HYAL4: variants seen among roughly 807,000 people sequenced by gnomAD.
The protein encoded by HYAL4 is hyaluronidase-4.
A neutral mutation model predicts 35.2 loss-of-function variants in HYAL4; 37 were observed. That is an observed-to-expected ratio of 1.05 (90% CI 0.81 to 1.38). HYAL4 has a LOEUF of 1.38. Ranked by LOEUF, HYAL4 falls within the 40% of genes most tolerant of loss-of-function variation. HYAL4 has a pLI of 0.00. For synonymous variants in HYAL4, 198 were observed against 203.2 expected, an observed-to-expected ratio of 0.97 and a Z score of 0.22; for missense variants, 572 against 572.4, an observed-to-expected ratio of 1.00 and a Z score of 0.01.
At chr7:123,857,669 G>GTTTGTTTGTTTGTTTGTTTCTTTC (rs1283770130) in intron 2 of HYAL4, among the ~76,000 whole-genome samples, 2 of 124,658 alleles carry the variant, frequency 1.6e-5, no homozygotes, top group Non-Finnish European at 3.6e-5. Context: ...TTCTTTGTTT[G>GTTTGTTTGTTTGTTTGTTTCTTTC]TTTCTTTCTT....
rs1199761021 is a variant in HYAL4 at position 123,874,850 on chromosome 7, G to A, written c.1044G>A (p.Lys348=). The change falls in exon 4 of 5, where the codon AAG becomes AAA. Residue 348 remains lysine, a splice_region_variant and synonymous_variant. Coordinates refer to ENST00000223026, the MANE Select transcript of HYAL4 (RefSeq NM_012269.3). ...IWGDMNLTAS[K]ANCTKVKQFV... ...GAGACATGAATTTAACTGCATCCAAGGTAAGTCAGTATCTTGAAGGTATAT... is the reference window on the plus strand; with the variant it reads ...GAGACATGAATTTAACTGCATCCAAAGTAAGTCAGTATCTTGAAGGTATAT... The A allele has an allele frequency of 1.3e-6, 2 of 1,530,410 alleles. No homozygotes were observed. The highest frequency in any genetic ancestry group is 1.8e-6 in the Non-Finnish European group (2 of 1,103,410). 94.8% of individuals were successfully genotyped at this position (1,530,410 alleles called of 1,614,324 possible).
At chr7:123,783,200 G>A in the HYAL4 span, among the ~76,000 whole-genome samples, 1 of 152,082 alleles carries the variant, frequency 6.6e-6, no homozygotes, top group Non-Finnish European at 1.5e-5. Context: ...TACACATCAA[G>A]CCCTGGGCTA....
the HYAL4 span, among the ~76,000 whole-genome samples, chr7:123,821,744 C>T: frequency 6.6e-6 from 1 of 152,142 alleles, no homozygotes; most frequent in African/African-American, 2.4e-5. Context: ...AGCATTCTCC[C>T]TATGTTTTCT....
At chr7:123,867,143 G>C (rs112379097) in intron 2 of HYAL4, among the ~76,000 whole-genome samples, 5,480 of 152,150 alleles carry the variant, frequency 0.036, 268 homozygotes, top group Admixed American at 0.14. Context: ...CCAGGGGTTT[G>C]GTCTAGGTCC....
chr7:123,860,799 G>C (rs1806560881), intron 2 of HYAL4, among the ~76,000 whole-genome samples: 1 of 152,166 alleles, frequency 6.6e-6, no homozygotes, highest in Non-Finnish European at 1.5e-5. Flanking sequence ...CCAGTCTTCT[G>C]TTTCCACTAG....
chr7:123,848,764 C>T (rs1007264826), intron 2 of HYAL4, among the ~76,000 whole-genome samples: 1 of 152,068 alleles, frequency 6.6e-6, no homozygotes, highest in Admixed American at 6.6e-5. Flanking sequence ...TTATACTTAC[C>T]ATGATGGTCA....
the HYAL4 span, among the ~76,000 whole-genome samples, chr7:123,784,983 TC>T: frequency 6.6e-6 from 1 of 152,224 alleles, no homozygotes; most frequent in Non-Finnish European, 1.5e-5. Context: ...GTGGTGTTTT[TC>T]TGATCAAAAC....
the HYAL4 span, among the ~76,000 whole-genome samples, chr7:123,809,325 G>T: frequency 6.6e-6 from 1 of 150,798 alleles, no homozygotes; most frequent in Non-Finnish European, 1.5e-5. Flanking sequence ...AAAACTGGCT[G>T]TCCTCCAAGT....
At chr7:123,821,414 G>A in the HYAL4 span, among the ~76,000 whole-genome samples, 674 of 152,182 alleles carry the variant, frequency 4.4e-3, 4 homozygotes, top group African/African-American at 0.015. Flanking sequence ...GATTTTGAGC[G>A]TCTTTTCATA....
the HYAL4 span, among the ~76,000 whole-genome samples, chr7:123,805,203 A>T: frequency 6.6e-6 from 1 of 152,220 alleles, no homozygotes; most frequent in Admixed American, 6.5e-5. Context: ...CTTCTCTTCA[A>T]TTATGCTAGT....
chr7:123,866,424 C>G (rs1806687930), intron 2 of HYAL4, among the ~76,000 whole-genome samples: 1 of 152,128 alleles, frequency 6.6e-6, no homozygotes, highest in Admixed American at 6.5e-5. Context: ...CAATACCAAA[C>G]CTGCAAGGAA....
chr7:123,835,896 T>C (rs1050964235), intron 1 of HYAL4, among the ~76,000 whole-genome samples: 3 of 152,184 alleles, frequency 2.0e-5, no homozygotes, highest in Non-Finnish European at 4.4e-5. Flanking sequence ...AAGCTTCCTT[T>C]TTGGAGTTGA....
At chr7:123,772,260 C>A in the HYAL4 span, among the ~76,000 whole-genome samples, 3 of 152,116 alleles carry the variant, frequency 2.0e-5, no homozygotes, top group Non-Finnish European at 4.4e-5. Context: ...CTCTGGAGAA[C>A]CTTGACTTAT....
At chr7:123,815,936 A>G in the HYAL4 span, among the ~76,000 whole-genome samples, 1 of 152,220 alleles carries the variant, frequency 6.6e-6, no homozygotes, top group African/African-American at 2.4e-5. Flanking sequence ...ATTATTAATT[A>G]GACTTGACAT....
At chr7:123,857,124 G>A (rs970195886) in intron 2 of HYAL4, among the ~76,000 whole-genome samples, 2 of 152,186 alleles carry the variant, frequency 1.3e-5, no homozygotes, top group East Asian at 1.9e-4. Context: ...GCTGGGCTCC[G>A]TGGAGGTGGG....
chr7:123,803,351 T>G, the HYAL4 span, among the ~76,000 whole-genome samples: 1 of 152,224 alleles, frequency 6.6e-6, no homozygotes, highest in Non-Finnish European at 1.5e-5. Context: ...TAAAAAAGAA[T>G]GCCGCCTTCA....
At chr7:123,765,364 C>G in the HYAL4 span, among the ~76,000 whole-genome samples, 1 of 152,102 alleles carries the variant, frequency 6.6e-6, no homozygotes, top group Non-Finnish European at 1.5e-5. Flanking sequence ...ATACAATTAA[C>G]TATACATTAG....
At chr7:123,852,192 T>C (rs899205061) in intron 2 of HYAL4, among the ~76,000 whole-genome samples, 1 of 152,242 alleles carries the variant, frequency 6.6e-6, no homozygotes. Context: ...GTAGGTTGCC[T>C]GTTCACTCTG....
At chr7:123,838,555 G>GA (rs374808396) in intron 1 of HYAL4, among the ~76,000 whole-genome samples, 44 of 146,748 alleles carry the variant, frequency 3.0e-4, no homozygotes, top group African/African-American at 8.2e-4. Flanking sequence ...GTCATAAACA[G>GA]AAAAAAAAAA....
Sources: gnomAD v4.1 joint callset for allele counts (sites outside exome capture counted in the v4.1 genomes callset) on GRCh38, gnomAD v4.1.1 for gene constraint, MANE v1.5 for transcripts, NCBI Gene and HGNC (gene_info 2026-07-23, HGNC 2026-07-21) for gene names.